RAB5C: variants seen among roughly 807,000 people sequenced by gnomAD.
The protein encoded by RAB5C is RAB5C, member RAS oncogene family, also known as ras-related protein Rab-5C.
Under a neutral mutation model 25.2 loss-of-function variants are expected in RAB5C, and 4 were observed. That is an observed-to-expected ratio of 0.16 (90% CI 0.08 to 0.36). The LOEUF (loss-of-function observed/expected upper bound fraction) is 0.36, where lower values mean the gene tolerates loss of function less well. Ranked by LOEUF, RAB5C falls within the 10% of genes least tolerant of loss-of-function variation. The probability of loss-of-function intolerance (pLI) is 1.00; values close to 1 mark genes in which losing one functional copy is unlikely to be tolerated. For missense variants in RAB5C, 199 were observed against 283.8 expected (o/e 0.70, Z 2.15); for synonymous variants, 100 against 106.4 (o/e 0.94, Z 0.37).
chr17:42,138,279 C>T (rs77275952), intron 1 of RAB5C, among the ~76,000 whole-genome samples: 1,808 of 152,278 alleles, frequency 0.012, 39 homozygotes, highest in African/African-American at 0.041. Context: ...CTGCTTCACA[C>T]AGGGCCTGTG....
At chr17:42,154,286 G>A (rs756045165) in intron 1 of RAB5C, among the ~76,000 whole-genome samples, 8 of 152,228 alleles carry the variant, frequency 5.3e-5, no homozygotes, top group Non-Finnish European at 1.2e-4. Context: ...AGGGCTGGGA[G>A]ACAGAAGGGG....
intron 1 of RAB5C, among the ~76,000 whole-genome samples, chr17:42,140,503 ATATATATATATATTTTTTTTT>A (rs1476206848): frequency 0.037 from 1,858 of 50,240 alleles, 26 homozygotes; most frequent in African/African-American, 0.13. Context: ...ATATATATAT[ATATATATATATATTTTTTTTT>A]TTTTTTTTTT....
At chr17:42,141,598 G>A (rs1210949968) in intron 1 of RAB5C, among the ~76,000 whole-genome samples, 2 of 152,180 alleles carry the variant, frequency 1.3e-5, no homozygotes, top group Non-Finnish European at 2.9e-5. Context: ...CACTTCCCCA[G>A]GGAGGACTTC....
rs188526285 is a variant in RAB5C, at chr17:42,150,354, G to A, written c.-89+4539C>T. 6.1e-3 allele frequency among the ~76,000 whole-genome samples: 911 copies of A among 150,500 alleles called. 7 individuals are homozygous for A. Among genetic ancestry groups the A allele is most frequent in the South Asian group, 0.016 (71 of 4,518 alleles). On this transcript the variant is annotated intron_variant, in intron 1 of 5. Transcript: ENST00000346213. ...AGGTCAGGAGATCGAGACCAGCCTG[G>A]CCAACATAGAGGAACCCTGTCTCTA...
At chr17:42,142,021 GA>G (rs2079605802) in intron 1 of RAB5C, among the ~76,000 whole-genome samples, 1 of 152,002 alleles carries the variant, frequency 6.6e-6, no homozygotes, top group African/African-American at 2.4e-5. Flanking sequence ...TTTCCTAGAA[GA>G]TACTCAGTGT....
intron 1 of RAB5C, among the ~76,000 whole-genome samples, chr17:42,150,945 C>T (rs149765920): frequency 6.4e-4 from 98 of 152,292 alleles, no homozygotes; most frequent in Admixed American, 5.5e-3. Flanking sequence ...TAGCTCCTTT[C>T]TTTGTTTCTA....
chr17:42,151,087 G>A (rs763193827), intron 1 of RAB5C, among the ~76,000 whole-genome samples: 11 of 152,166 alleles, frequency 7.2e-5, no homozygotes, highest in Non-Finnish European at 1.3e-4. Context: ...AACTGCCTCT[G>A]AAGTTCTAGT....
At chr17:42,147,066 G>A (rs1442273101) in intron 1 of RAB5C, among the ~76,000 whole-genome samples, 3 of 139,264 alleles carry the variant, frequency 2.2e-5, no homozygotes, top group Non-Finnish European at 3.1e-5. Flanking sequence ...AAGAAAGAAA[G>A]AAAGAAAAAG....
chr17:42,147,038 CAGAA>C (rs1035831663), intron 1 of RAB5C, among the ~76,000 whole-genome samples: 5 of 122,778 alleles, frequency 4.1e-5, no homozygotes, highest in Non-Finnish European at 8.8e-5. Context: ...GACAGAAAGA[CAGAA>C]AGAAAGACAG....
At position 42,151,298 on chromosome 17, in the gene RAB5C, G is replaced by A. The variant is rs1177073764; in HGVS notation, c.-89+3595C>T. On this transcript the variant is annotated intron_variant, in intron 1 of 5. Transcript: ENST00000346213. ...AAAAATACAAAACAATTAGCCGGAC[G>A]TGGTGGTGGGCACCTGTAGTCCCAA... 2.0e-5 allele frequency among the ~76,000 whole-genome samples: 3 copies of A among 152,110 alleles called. No individual in the cohort carries two copies. In the East Asian group the frequency reaches 5.8e-4, roughly 29 times the overall value.
At chr17:42,127,759 G>GGC in intron 4 of RAB5C, among the ~76,000 whole-genome samples, 1 of 149,796 alleles carries the variant, frequency 6.7e-6, no homozygotes, top group East Asian at 2.0e-4. Context: ...GAACTCCTAA[G>GGC]CTCAAGTGAT....
chr17:42,142,885 T>G (rs2079611238), intron 1 of RAB5C, among the ~76,000 whole-genome samples: 1 of 152,208 alleles, frequency 6.6e-6, no homozygotes, highest in African/African-American at 2.4e-5. Flanking sequence ...AGACACTGAC[T>G]GGCCCGGACC....
intron 1 of RAB5C, among the ~76,000 whole-genome samples, chr17:42,138,818 G>C (rs902915322): frequency 6.6e-6 from 1 of 152,196 alleles, no homozygotes; most frequent in East Asian, 1.9e-4. Context: ...ACACTATGCA[G>C]ACTGAGCCTG....
chr17:42,139,123 C>T (rs551725663), intron 1 of RAB5C, among the ~76,000 whole-genome samples: 1 of 152,338 alleles, frequency 6.6e-6, no homozygotes, highest in African/African-American at 2.4e-5. Context: ...TCTTTCTGCA[C>T]CCACAGGGAG....
At chr17:42,135,142 C>T (rs922961038) in intron 1 of RAB5C, among the ~76,000 whole-genome samples, 5 of 151,906 alleles carry the variant, frequency 3.3e-5, no homozygotes, top group South Asian at 2.1e-4. Context: ...TCATTACACC[C>T]GGCTAAATTT....
intron 1 of RAB5C, among the ~76,000 whole-genome samples, chr17:42,144,818 GCA>G (rs1568024203): frequency 6.6e-5 from 10 of 150,470 alleles, no homozygotes; most frequent in Non-Finnish European, 1.0e-4. Flanking sequence ...TCCCAGCTAC[GCA>G]GGAGGCTGAG....
intron 1 of RAB5C, among the ~76,000 whole-genome samples, chr17:42,153,533 C>T (rs1230866872): frequency 6.6e-6 from 1 of 152,186 alleles, no homozygotes; most frequent in Non-Finnish European, 1.5e-5. Flanking sequence ...GGCCAAAAAA[C>T]ACAGCACTTT....
intron 1 of RAB5C, among the ~76,000 whole-genome samples, chr17:42,146,997 CAAGA>C (rs758677956): frequency 2.4e-4 from 33 of 134,730 alleles, no homozygotes; most frequent in South Asian, 4.5e-4. Flanking sequence ...AAGACTTCGT[CAAGA>C]AAGAAAGAAA....
intron 1 of RAB5C, among the ~76,000 whole-genome samples, chr17:42,141,866 C>A (rs1212328069): frequency 6.6e-6 from 1 of 152,138 alleles, no homozygotes; most frequent in Non-Finnish European, 1.5e-5. Context: ...AGCCCCTGCG[C>A]CTTCACTTCC....
Sources: allele counts gnomAD v4.1 joint callset (sites outside exome capture counted in the v4.1 genomes callset), GRCh38; gene constraint gnomAD v4.1.1; transcripts MANE v1.5; gene names NCBI Gene and HGNC (gene_info 2026-07-23, HGNC 2026-07-21).